The following EYA2 variants were observed in gnomAD, a reference collection of about 807,000 sequenced individuals.
EYA2 encodes EYA transcriptional coactivator and phosphatase 2, also known as protein phosphatase EYA2.
EYA2 carries 31 observed loss-of-function variants against 69.2 expected under a neutral mutation model. That is an observed-to-expected ratio of 0.45 (90% CI 0.34 to 0.60). The LOEUF (loss-of-function observed/expected upper bound fraction) is 0.60, where lower values mean the gene tolerates loss of function less well. Ranked by LOEUF, EYA2 falls within the 20% of genes least tolerant of loss-of-function variation. EYA2 has a pLI of 0.02. For missense variants in EYA2, 622 were observed against 701.2 expected (o/e 0.89, Z 1.28); for synonymous variants, 257 against 279.4 (o/e 0.92, Z 0.80).
chr20:47,066,975 GC>G, intron 5 of EYA2, among the ~76,000 whole-genome samples: 1 of 152,292 alleles, frequency 6.6e-6, no homozygotes, highest in Non-Finnish European at 1.5e-5. Flanking sequence ...GGGGCCACGT[GC>G]CCCCTTCTTC....
chr20:47,156,265 CAG>C (rs1339665454), intron 10 of EYA2, among the ~76,000 whole-genome samples: 3 of 145,126 alleles, frequency 2.1e-5, no homozygotes, highest in African/African-American at 7.4e-5. Context: ...GCCCGGGAGA[CAG>C]AGGTTGCAGT....
intron 10 of EYA2, among the ~76,000 whole-genome samples, chr20:47,149,447 C>A (rs931378316): frequency 6.6e-6 from 1 of 151,940 alleles, no homozygotes; most frequent in East Asian, 1.9e-4. Context: ...AAGATTGTAA[C>A]GGCCCCCATC....
At chr20:46,933,416 A>G (rs1346210220) in intron 1 of EYA2, among the ~76,000 whole-genome samples, 1 of 152,172 alleles carries the variant, frequency 6.6e-6, no homozygotes, top group Non-Finnish European at 1.5e-5. Flanking sequence ...TCTGGCCCAT[A>G]AGGAGACAAC....
At chr20:47,088,661 C>T (rs1025601663) in intron 7 of EYA2, among the ~76,000 whole-genome samples, 4 of 152,162 alleles carry the variant, frequency 2.6e-5, no homozygotes, top group East Asian at 1.9e-4. Flanking sequence ...TATCATAGCT[C>T]ACTGCAACCT....
At chr20:46,957,272 T>C (rs1459281783) in intron 1 of EYA2, among the ~76,000 whole-genome samples, 1 of 152,190 alleles carries the variant, frequency 6.6e-6, no homozygotes, top group Non-Finnish European at 1.5e-5. Flanking sequence ...TCTAATAGCC[T>C]ATCAATGGCA....
intron 5 of EYA2, among the ~76,000 whole-genome samples, chr20:47,066,530 G>A (rs541483258): frequency 3.3e-5 from 5 of 152,222 alleles, no homozygotes; most frequent in East Asian, 3.9e-4. Context: ...GTCTGCAAAC[G>A]TGATGGGGGT....
intron 2 of EYA2, 64 bp downstream of exon 2, chr20:46,990,183 C>G (rs116993523): frequency 8.2e-6 from 7 of 853,224 alleles, no homozygotes; most frequent in Non-Finnish European, 1.4e-5. Flanking sequence ...CTGAGAATAT[C>G]GTAAGCAACA....
intron 5 of EYA2, among the ~76,000 whole-genome samples, chr20:47,049,781 G>A (rs2030230631): frequency 6.6e-6 from 1 of 151,754 alleles, no homozygotes; most frequent in African/African-American, 2.4e-5. Context: ...TTTCTTTATA[G>A]CATGCAAAAT....
At chr20:47,091,265 C>T (rs995807537) in intron 8 of EYA2, among the ~76,000 whole-genome samples, 1 of 152,100 alleles carries the variant, frequency 6.6e-6, no homozygotes, top group Non-Finnish European at 1.5e-5. Context: ...GAAACCAGAC[C>T]AGCCTCTGAC....
intron 1 of EYA2, among the ~76,000 whole-genome samples, chr20:46,939,145 T>C (rs983239047): frequency 2.0e-4 from 31 of 152,278 alleles, no homozygotes; most frequent in African/African-American, 7.0e-4. Context: ...CAGATCCAGC[T>C]AGTGAACACT....
In EYA2 at chr20:47,157,935, C is replaced by A. The variant is rs557371711; in HGVS notation, c.979-11204C>A. Among the ~76,000 whole-genome samples, 12 of 152,110 alleles carry A rather than the reference C, an allele frequency of 7.9e-5. 1 individual carries two copies. The East Asian group carries it at 2.2e-3, about 28-fold the overall frequency. On this transcript the variant is annotated intron_variant, in intron 10 of 15. Transcript: ENST00000327619. ...TCTCCCACACATTTTATAAGACTAA[C>A]ATCACCCTAAAGCTGACACTGGAGT...
intron 1 of EYA2, among the ~76,000 whole-genome samples, chr20:46,954,009 A>G (rs139630151): frequency 7.2e-5 from 11 of 152,142 alleles, no homozygotes; most frequent in African/African-American, 1.9e-4. Context: ...CTTTCTCATC[A>G]TGTTCCAACC....
At chr20:47,162,336 T>A (rs1356610155) in intron 10 of EYA2, among the ~76,000 whole-genome samples, 1 of 152,114 alleles carries the variant, frequency 6.6e-6, no homozygotes, top group Non-Finnish European at 1.5e-5. Flanking sequence ...TCTCCTAGTT[T>A]CCCACTACAT....
At chr20:47,136,508 C>T (rs2033477891) in intron 9 of EYA2, among the ~76,000 whole-genome samples, 2 of 152,144 alleles carry the variant, frequency 1.3e-5, no homozygotes, top group Non-Finnish European at 2.9e-5. Flanking sequence ...CTTTGGGAGG[C>T]TGAGGCAAGA....
intron 7 of EYA2, 29 bp downstream of exon 7, chr20:47,074,364 A>G (rs1266078069): frequency 1.9e-6 from 3 of 1,609,498 alleles, no homozygotes; most frequent in Admixed American, 3.3e-5. Context: ...GGGGCCATTC[A>G]TGGCTGTGGT....
chr20:47,038,532 C>T (rs1984844751), intron 5 of EYA2, among the ~76,000 whole-genome samples: 1 of 152,162 alleles, frequency 6.6e-6, no homozygotes, highest in Non-Finnish European at 1.5e-5. Flanking sequence ...CTTCTGCCCA[C>T]AAGGGTGCTC....
At chr20:47,159,792 C>G (rs958398738) in intron 10 of EYA2, among the ~76,000 whole-genome samples, 1 of 151,970 alleles carries the variant, frequency 6.6e-6, no homozygotes, top group African/African-American at 2.4e-5. Flanking sequence ...GAGTTCGAGA[C>G]CAGTCTGGCC....
chr20:47,092,104 C>G (rs1244216550), intron 8 of EYA2, among the ~76,000 whole-genome samples: 1 of 152,146 alleles, frequency 6.6e-6, no homozygotes, highest in Non-Finnish European at 1.5e-5. Flanking sequence ...ATGTTCAGGG[C>G]ATTTGATATT....
intron 2 of EYA2, among the ~76,000 whole-genome samples, chr20:46,992,258 A>G (rs1981725433): frequency 6.6e-6 from 1 of 152,194 alleles, no homozygotes. Context: ...AACTCTAAAA[A>G]GTGGGTACTG....
Sources: allele counts gnomAD v4.1 joint callset (sites outside exome capture counted in the v4.1 genomes callset), GRCh38; gene constraint gnomAD v4.1.1; transcripts MANE v1.5; gene names NCBI Gene and HGNC (gene_info 2026-07-23, HGNC 2026-07-21).